Variants in NAALADL2 observed in about 807,000 individuals in gnomAD.
NAALADL2 encodes the protein N-acetylated alpha-linked acidic dipeptidase like 2, also known as inactive N-acetylated-alpha-linked acidic dipeptidase-like protein 2.
NAALADL2 carries 76 observed loss-of-function variants against 87.2 expected under a neutral mutation model. The observed-to-expected ratio is 0.87, with a 90% CI of 0.72 to 1.05. NAALADL2 has a LOEUF of 1.05. Ranked by LOEUF, NAALADL2 falls within the 50% of genes least tolerant of loss-of-function variation. The probability of loss-of-function intolerance (pLI) is 0.00; values close to 1 mark genes in which losing one functional copy is unlikely to be tolerated. For missense variants in NAALADL2, 1,089 were observed against 945.8 expected (o/e 1.15, Z -1.99); for synonymous variants, 354 against 331.0 (o/e 1.07, Z -0.75).
intron 1 of NAALADL2, among the ~76,000 whole-genome samples, chr3:175,071,981 T>C (rs2109156106): frequency 6.6e-6 from 1 of 152,222 alleles, no homozygotes; most frequent in Non-Finnish European, 1.5e-5. Context: ...TCTAGGATTG[T>C]TTCCACTTCA....
chr3:174,745,908 T>C (rs1277672432), intron 3 of NAALADL2, among the ~76,000 whole-genome samples: 2 of 152,144 alleles, frequency 1.3e-5, no homozygotes, highest in African/African-American at 4.8e-5. Flanking sequence ...CTCAATAAAC[T>C]AGATATTGGT....
chr3:175,119,992 A>T (rs1725916641), intron 2 of NAALADL2, among the ~76,000 whole-genome samples: 1 of 150,840 alleles, frequency 6.6e-6, no homozygotes, highest in East Asian at 2.0e-4. Context: ...AATGATTCTA[A>T]TTATTGTTTG....
At chr3:175,272,752 T>A (rs1478030227) in intron 4 of NAALADL2, among the ~76,000 whole-genome samples, 1 of 152,094 alleles carries the variant, frequency 6.6e-6, no homozygotes, top group African/African-American at 2.4e-5. Flanking sequence ...TCATATCAAA[T>A]GAGATAATTC....
intron 2 of NAALADL2, among the ~76,000 whole-genome samples, chr3:175,184,728 C>T (rs1737076413): frequency 6.6e-6 from 1 of 152,086 alleles, no homozygotes; most frequent in Non-Finnish European, 1.5e-5. Context: ...TGGAGCATTA[C>T]TAATTTAGTT....
In NAALADL2 at chr3:175,576,133, C is replaced by T. The variant is rs764132417; in HGVS notation, c.1746C>T (p.Asn582=). 1.9e-5 allele frequency: 30 copies of T among 1,613,656 alleles called. No individual in the cohort carries two copies. The highest frequency in any genetic ancestry group is 2.4e-5 in the Non-Finnish European group (28 of 1,179,758). Residue 582 remains asparagine (N), a synonymous_variant, in exon 10 of 14, where the codon AAC becomes AAT. Transcript: ENST00000454872. ...QIQGDADYFI[N]HLGVPIVQFA... ...AAGGTGATGCTGATTATTTCATCAA[C>T]CATCTTGGAGTTCCCATCGTGCAGT...
chr3:174,853,781 TTCA>T (rs1049866366), intron 3 of NAALADL2, among the ~76,000 whole-genome samples: 3 of 152,122 alleles, frequency 2.0e-5, no homozygotes, highest in Non-Finnish European at 4.4e-5. Flanking sequence ...TGAAAAAATG[TTCA>T]TCATCACTAA....
At chr3:174,823,713 G>A (rs772356484) in intron 3 of NAALADL2, among the ~76,000 whole-genome samples, 7 of 152,002 alleles carry the variant, frequency 4.6e-5, no homozygotes, top group Non-Finnish European at 1.0e-4. Flanking sequence ...TATTAGTTTG[G>A]AATCTGCTTT....
intron 1 of NAALADL2, among the ~76,000 whole-genome samples, chr3:174,543,415 C>A (rs764489447): frequency 6.6e-6 from 1 of 152,128 alleles, no homozygotes; most frequent in Non-Finnish European, 1.5e-5. Flanking sequence ...CAACAATTAA[C>A]TCATTCCAGA....
intron 3 of NAALADL2, among the ~76,000 whole-genome samples, chr3:174,820,391 C>T (rs1258084675): frequency 1.3e-5 from 2 of 152,118 alleles, no homozygotes; most frequent in Non-Finnish European, 2.9e-5. Flanking sequence ...ATAAACACAC[C>T]ACATATACTT....
At chr3:175,700,943 A>G (rs1341845152) in intron 11 of NAALADL2, among the ~76,000 whole-genome samples, 1 of 152,114 alleles carries the variant, frequency 6.6e-6, no homozygotes, top group African/African-American at 2.4e-5. Context: ...AGGATGCTCT[A>G]GGCTGGGGAA....
intron 1 of NAALADL2, among the ~76,000 whole-genome samples, chr3:174,476,747 G>A (rs906971574): frequency 6.6e-6 from 1 of 152,044 alleles, no homozygotes; most frequent in Non-Finnish European, 1.5e-5. Flanking sequence ...CTACCCGTCA[G>A]TGTCGATGTT....
At chr3:175,577,877 A>G (rs1352100470) in intron 10 of NAALADL2, among the ~76,000 whole-genome samples, 7 of 152,160 alleles carry the variant, frequency 4.6e-5, no homozygotes, top group African/African-American at 1.7e-4. Flanking sequence ...ATTGGTATAC[A>G]GCTATTAAGA....
At chr3:175,101,326 G>T (rs191686008) in intron 2 of NAALADL2, among the ~76,000 whole-genome samples, 118 of 152,286 alleles carry the variant, frequency 7.7e-4, no homozygotes, top group African/African-American at 2.7e-3. Flanking sequence ...GTGGACCAAA[G>T]ATGTTCGTGA....
intron 2 of NAALADL2, among the ~76,000 whole-genome samples, chr3:175,162,018 A>T (rs912188074): frequency 6.6e-6 from 1 of 152,162 alleles, no homozygotes; most frequent in Admixed American, 6.6e-5. Flanking sequence ...AGTTAGAGCA[A>T]TTGGAATTTC....
chr3:174,958,576 ATC>A (rs964081480), intron 1 of NAALADL2, among the ~76,000 whole-genome samples: 18 of 152,142 alleles, frequency 1.2e-4, no homozygotes, highest in African/African-American at 3.6e-4. Flanking sequence ...TGCAGTTCAA[ATC>A]TCTGTTTTAG....
chr3:175,674,711 G>C (rs769015145), intron 11 of NAALADL2, among the ~76,000 whole-genome samples: 1 of 151,896 alleles, frequency 6.6e-6, no homozygotes, highest in Non-Finnish European at 1.5e-5. Context: ...TAAAAATGAG[G>C]ATCATTTAAG....
chr3:174,540,843 T>TAAGACTAAAA (rs1447341899), intron 1 of NAALADL2: 2 of 152,226 alleles, frequency 1.3e-5, no homozygotes, highest in African/African-American at 2.4e-5. Context: ...CTAAGAACTT[T>TAAGACTAAAA]ACATGTGAGT....
chr3:175,095,211 C>G (rs547221412), intron 1 of NAALADL2, among the ~76,000 whole-genome samples: 41 of 151,920 alleles, frequency 2.7e-4, no homozygotes, highest in Non-Finnish European at 4.7e-4. Flanking sequence ...TCACACCCTC[C>G]TCTCTTGCAA....
chr3:174,614,267 G>T (rs560041520), intron 2 of NAALADL2, among the ~76,000 whole-genome samples: 10 of 152,268 alleles, frequency 6.6e-5, no homozygotes, highest in African/African-American at 2.2e-4. Flanking sequence ...CCTAGGAGTT[G>T]CAGTTTTTGT....
Sources: allele counts gnomAD v4.1 joint callset (sites outside exome capture counted in the v4.1 genomes callset), GRCh38; gene constraint gnomAD v4.1.1; transcripts MANE v1.5; gene names NCBI Gene and HGNC (gene_info 2026-07-23, HGNC 2026-07-21).